Variants in ZNF385D observed in about 807,000 individuals in gnomAD.
ZNF385D encodes the protein zinc finger protein 659.
ZNF385D carries 15 observed loss-of-function variants against 35.8 expected under a neutral mutation model. That is an observed-to-expected ratio of 0.42 (90% CI 0.28 to 0.64). ZNF385D has a LOEUF of 0.64. ZNF385D is among the 30% of genes least tolerant of loss of function. The pLI is 0.23. For missense variants in ZNF385D, 474 were observed against 494.6 expected (o/e 0.96, Z 0.39); for synonymous variants, 212 against 186.8 (o/e 1.13, Z -1.10).
At chr3:22,075,972 C>T (rs973960687) in intron 3 of ZNF385D, among the ~76,000 whole-genome samples, 10 of 151,860 alleles carry the variant, frequency 6.6e-5, no homozygotes, top group African/African-American at 2.4e-4. Context: ...ATTCCCCATG[C>T]CCAAAAGACA....
At position 22,078,050 on chromosome 3, in the gene ZNF385D, C is replaced by T. The variant is rs146912323; in HGVS notation, c.325+90767G>A. Among the ~76,000 whole-genome samples the T allele has an allele frequency of 3.7e-4, 57 of 152,118 alleles. 1 individual carries two copies. The highest frequency in any genetic ancestry group is 1.1e-3 in the African/African-American group (47 of 41,564). On this transcript the variant is annotated intron_variant, in intron 3 of 5. Coordinates refer to the ZNF385D transcript ENST00000494108. ...GATTTCAAAACTGAAGACAATCTAT[C>T]TTAAATATGCCTGAAATTTGTGAGT...
chr3:22,306,850 T>C (rs924618915), intron 2 of ZNF385D, among the ~76,000 whole-genome samples: 6 of 152,104 alleles, frequency 3.9e-5, no homozygotes, highest in Non-Finnish European at 7.4e-5. Flanking sequence ...ATGTTAGATA[T>C]TATATCCCAG....
intron 2 of ZNF385D, among the ~76,000 whole-genome samples, chr3:21,593,000 A>G (rs1658187619): frequency 6.6e-6 from 1 of 152,182 alleles, no homozygotes; most frequent in Non-Finnish European, 1.5e-5. Context: ...TGGAAATGAC[A>G]TCATGTGTGG....
In ZNF385D at chr3:21,510,987, C is replaced by A. The variant is rs1180266787; in HGVS notation, c.313G>T (p.Ala105Ser). 2 of 1,614,078 alleles carry A rather than the reference C, an allele frequency of 1.2e-6. No individual in the cohort carries two copies. Among genetic ancestry groups the A allele is most frequent in the Non-Finnish European group, 8.5e-7 (1 of 1,179,992 alleles). Residue 105 changes from alanine (A) to serine (S), a missense_variant, in exon 4 of 8, where the codon GCC becomes TCC. Physicochemically the swap from Ala to Ser is moderately conservative, Grantham distance 99 (BLOSUM62 1). Coordinates refer to ENST00000281523, the MANE Select transcript of ZNF385D (RefSeq NM_024697.3). ...AAAHYKGTKH[A>S]KKLKALEAMK... ...GCTTCCAGTGCTTTGAGCTTCTTGG[C>A]ATGTTTCGTGCCTTTGTAGTGGGCC... is the stretch of plus-strand genomic sequence containing the variant.
chr3:22,260,334 C>T (rs923371657), intron 2 of ZNF385D, among the ~76,000 whole-genome samples: 1 of 151,830 alleles, frequency 6.6e-6, no homozygotes, highest in African/African-American at 2.4e-5. Flanking sequence ...ACATCACACA[C>T]CAGGGCCTGT....
At chr3:22,127,114 A>C (rs1198389578) in intron 3 of ZNF385D, among the ~76,000 whole-genome samples, 1 of 151,906 alleles carries the variant, frequency 6.6e-6, no homozygotes, top group African/African-American at 2.4e-5. Context: ...ATTAGGTCTT[A>C]CTTTTTATCC....
intron 3 of ZNF385D, among the ~76,000 whole-genome samples, chr3:22,098,040 G>C (rs550652531): frequency 2.6e-5 from 4 of 152,108 alleles, no homozygotes; most frequent in African/African-American, 9.6e-5. Flanking sequence ...CACAGGCTAG[G>C]GAAATACCTA....
chr3:22,372,590 G>A, exon 2 of ZNF385D: 1 of 944,666 alleles, frequency 1.1e-6, no homozygotes, highest in Non-Finnish European at 1.3e-6. Context: ...GGCTGTCCCG[G>A]GAGACGCACG....
intron 3 of ZNF385D, among the ~76,000 whole-genome samples, chr3:22,140,199 TAAAC>T (rs1402071872): frequency 2.6e-5 from 4 of 152,186 alleles, no homozygotes; most frequent in Middle Eastern, 3.4e-3. Context: ...AGTGAATGAA[TAAAC>T]AAACTGTAGT....
At chr3:22,188,089 G>C (rs1331956892) in intron 2 of ZNF385D, among the ~76,000 whole-genome samples, 1 of 152,174 alleles carries the variant, frequency 6.6e-6, no homozygotes, top group African/African-American at 2.4e-5. Flanking sequence ...AATCACGGAG[G>C]AAAGATGGGA....
At chr3:21,962,389 C>T (rs1035602988) in intron 3 of ZNF385D, among the ~76,000 whole-genome samples, 3 of 152,074 alleles carry the variant, frequency 2.0e-5, no homozygotes, top group Non-Finnish European at 2.9e-5. Flanking sequence ...AGAGAGCATA[C>T]TTATGGAGAA....
rs181979995 is a variant in ZNF385D at position 21,872,380 on chromosome 3, C to G, written c.326-207352G>C. Among the ~76,000 whole-genome samples the G allele has an allele frequency of 1.4e-4, 21 of 152,246 alleles. No homozygotes were observed. In the East Asian group the frequency reaches 3.3e-3, roughly 24 times the overall value. On this transcript the variant is annotated intron_variant, in intron 3 of 5. Transcript: ENST00000494108. The stretch of plus-strand genomic sequence containing the variant: ...TTTTCTATTATTCTTATATTCCTAG[C>G]ACTATGCATAACTGGAACTCCATAT...
intron 2 of ZNF385D, among the ~76,000 whole-genome samples, chr3:22,257,757 G>A (rs571334340): frequency 2.6e-5 from 4 of 151,734 alleles, no homozygotes; most frequent in Non-Finnish European, 5.9e-5. Flanking sequence ...ATGCAAATAA[G>A]TAGGGTAAAA....
At chr3:21,742,440 C>T (rs1302010749) in intron 1 of ZNF385D, among the ~76,000 whole-genome samples, 1 of 152,228 alleles carries the variant, frequency 6.6e-6, no homozygotes, top group East Asian at 1.9e-4. Context: ...CAAGATCTCT[C>T]TGCAGGTCTT....
chr3:21,880,217 A>G (rs1698206713), intron 3 of ZNF385D, among the ~76,000 whole-genome samples: 2 of 151,978 alleles, frequency 1.3e-5, no homozygotes, highest in African/African-American at 4.8e-5. Context: ...ACTTATGAGC[A>G]CTGCGTTAGA....
intron 3 of ZNF385D, among the ~76,000 whole-genome samples, chr3:21,810,536 A>G (rs1285542909): frequency 1.3e-5 from 2 of 151,964 alleles, no homozygotes; most frequent in South Asian, 4.1e-4. Flanking sequence ...AAAACTATAT[A>G]TGTGTGTGTA....
intron 2 of ZNF385D, among the ~76,000 whole-genome samples, chr3:22,259,492 C>T (rs1700506657): frequency 6.6e-6 from 1 of 151,860 alleles, no homozygotes; most frequent in Non-Finnish European, 1.5e-5. Flanking sequence ...GTAGTTTAGC[C>T]TACAAGTCAA....
At chr3:21,437,457 G>T (rs1021792759) in intron 4 of ZNF385D, among the ~76,000 whole-genome samples, 1 of 151,784 alleles carries the variant, frequency 6.6e-6, no homozygotes, top group Admixed American at 6.6e-5. Flanking sequence ...ATTCTATGGG[G>T]TAAATATCCA....
intron 4 of ZNF385D, among the ~76,000 whole-genome samples, chr3:21,497,339 C>G (rs984016394): frequency 1.3e-5 from 2 of 151,994 alleles, no homozygotes; most frequent in African/African-American, 4.8e-5. Flanking sequence ...ATACAGTTAA[C>G]CAGGAGATGA....
Sources: allele counts gnomAD v4.1 joint callset (sites outside exome capture counted in the v4.1 genomes callset), GRCh38; gene constraint gnomAD v4.1.1; transcripts MANE v1.5; gene names NCBI Gene and HGNC (gene_info 2026-07-23, HGNC 2026-07-21).